Variants in IFT88 observed in about 807,000 individuals in gnomAD.
The protein encoded by IFT88 is intraflagellar transport protein 88 homolog.
In IFT88, 74 loss-of-function variants were observed where a neutral mutation model predicts 119.5. The observed-to-expected ratio is 0.62, with a 90% confidence interval of 0.51 to 0.75. IFT88 has a LOEUF of 0.75. Among genes scored for constraint, IFT88 ranks in the 30% least tolerant of loss-of-function variants. The probability of loss-of-function intolerance (pLI) is 0.00; values close to 1 mark genes in which losing one functional copy is unlikely to be tolerated. For synonymous variants in IFT88, 279 were observed against 316.7 expected, an observed-to-expected ratio of 0.88 and a Z score of 1.26; for missense variants, 961 against 977.7, an observed-to-expected ratio of 0.98 and a Z score of 0.23.
At chr13:20,594,020 C>T (rs1210806667) in intron 7 of IFT88, among the ~76,000 whole-genome samples, 2 of 150,882 alleles carry the variant, frequency 1.3e-5, no homozygotes, top group South Asian at 2.1e-4. Context: ...CACTGCACCA[C>T]AGCCTGGGTG....
chr13:20,679,616 A>G (rs2057092023), intron 24 of IFT88, among the ~76,000 whole-genome samples: 1 of 152,238 alleles, frequency 6.6e-6, no homozygotes, highest in Non-Finnish European at 1.5e-5. Flanking sequence ...TTGACAAGTC[A>G]TATGATGATT....
chr13:20,597,754 A>ATAT lies in IFT88; in HGVS notation c.594+635_594+636insTAT, dbSNP rs1555262657. Among the ~76,000 whole-genome samples, 172 of 142,644 alleles carry ATAT rather than the reference A, an allele frequency of 1.2e-3. 1 individual carries two copies. In the East Asian group the frequency reaches 0.026, roughly 21 times the overall value. The allele number at this position is 142,644 out of a possible 152,430, so 93.6% of individuals were successfully genotyped here. ...GAGCGAGACTCCGTCTCAAAAAAAA[A>ATAT]ATATATATATATATATTTTTTTTTT... On this transcript the variant is annotated intron_variant, in intron 9 of 25. Transcript: ENST00000351808.
intron 1 of IFT88, among the ~76,000 whole-genome samples, chr13:20,568,359 A>G (rs1418503042): frequency 1.3e-5 from 2 of 152,222 alleles, no homozygotes; most frequent in African/African-American, 4.8e-5. Context: ...GCTATTAGCC[A>G]TGCTTGATTC....
intron 1 of IFT88, among the ~76,000 whole-genome samples, chr13:20,571,944 C>T (rs1489688370): frequency 6.6e-6 from 1 of 152,196 alleles, no homozygotes; most frequent in East Asian, 1.9e-4. Flanking sequence ...CAACACACCC[C>T]AGCTTCTTGA....
Position 20,615,884 on chromosome 13 carries a change from G to A in IFT88, c.1199+5G>A, listed in dbSNP as rs1389055815. ...TTTTGCTGCAGGTTATGATTGGTAA[G>A]AGAGAAAGTCTATAATACTGCATAG... On this transcript the variant is annotated splice_donor_5th_base_variant and intron_variant, in intron 14 of 25. Coordinates refer to ENST00000351808, the MANE Select transcript of IFT88 (RefSeq NM_006531.5). 16 of 1,575,998 alleles carry A rather than the reference G, an allele frequency of 1.0e-5. No individual in the cohort carries two copies. Among genetic ancestry groups the A allele is most frequent in the African/African-American group, 1.4e-5 (1 of 73,650 alleles).
At chr13:20,586,594 G>T (rs534004222) in intron 3 of IFT88, among the ~76,000 whole-genome samples, 4 of 152,136 alleles carry the variant, frequency 2.6e-5, no homozygotes, top group Admixed American at 6.5e-5. Context: ...AGGGAAGAGA[G>T]TGTAGGAGCT....
chr13:20,656,713 A>G (rs1473018732), intron 22 of IFT88, among the ~76,000 whole-genome samples: 3 of 152,180 alleles, frequency 2.0e-5, no homozygotes, highest in Non-Finnish European at 2.9e-5. Flanking sequence ...ATTTTGGCCT[A>G]TGGTTGATTT....
At chr13:20,649,915 C>A (rs1267094450) in intron 20 of IFT88, among the ~76,000 whole-genome samples, 1 of 152,016 alleles carries the variant, frequency 6.6e-6, no homozygotes, top group Non-Finnish European at 1.5e-5. Context: ...ACACAATCAA[C>A]CAAACCCAAC....
At chr13:20,607,335 G>A (rs2043663551) in intron 13 of IFT88, 2 of 506,628 alleles carry the variant, frequency 3.9e-6, no homozygotes, top group South Asian at 3.4e-5. Context: ...GTGCACGTCA[G>A]CTTCTGGAAG....
rs57202566 is a variant in IFT88, at chr13:20,578,034, C to CTTTTTTTTTTTTTT, written c.90+3574_90+3587dup. Among the ~76,000 whole-genome samples the CTTTTTTTTTTTTTT allele has an allele frequency of 9.8e-4, 55 of 55,872 alleles. 3 individuals carry two copies. The highest frequency in any genetic ancestry group is 3.4e-3 in the African/African-American group (52 of 15,418). The allele number at this position is 55,872 out of a possible 152,430, so 36.7% of individuals were successfully genotyped here. ...TATTGTGGCTTCAGTCTTGTTACTT[C>CTTTTTTTTTTTTTT]TTTTTTTTTTTTTTTTTTTTTTTTT... On this transcript the variant is annotated intron_variant, in intron 2 of 25. Coordinates refer to ENST00000351808, the MANE Select transcript of IFT88 (RefSeq NM_006531.5).
chr13:20,578,954 T>C (rs1369038844), intron 2 of IFT88, among the ~76,000 whole-genome samples: 1 of 152,248 alleles, frequency 6.6e-6, no homozygotes, highest in African/African-American at 2.4e-5. Flanking sequence ...GCTAACGGTT[T>C]GTCAATTTTA....
chr13:20,626,059 T>C (rs1261058282), intron 15 of IFT88, among the ~76,000 whole-genome samples: 2 of 96,402 alleles, frequency 2.1e-5, no homozygotes, highest in Non-Finnish European at 4.1e-5. Context: ...TTTTTTTTTT[T>C]TTTTTTTTTT....
chr13:20,628,171 G>A (rs572102572), intron 15 of IFT88, among the ~76,000 whole-genome samples: 37 of 152,158 alleles, frequency 2.4e-4, no homozygotes, highest in Non-Finnish European at 2.8e-4. Context: ...CCTTCTGTGA[G>A]GATATAGTTC....
At chr13:20,630,577 T>G (rs973482333) in intron 15 of IFT88, among the ~76,000 whole-genome samples, 8 of 152,138 alleles carry the variant, frequency 5.3e-5, no homozygotes, top group Non-Finnish European at 8.8e-5. Context: ...CATATTTTTA[T>G]TTTTTTAGAG....
At chr13:20,573,346 A>T (rs1026790705) in intron 1 of IFT88, among the ~76,000 whole-genome samples, 6 of 152,010 alleles carry the variant, frequency 3.9e-5, no homozygotes, top group Non-Finnish European at 5.9e-5. Flanking sequence ...GCCTTTAAAG[A>T]TCTGCTTGAA....
At chr13:20,641,438 C>G (rs2140298070) in intron 18 of IFT88, 40 bp downstream of exon 18, 1 of 1,193,394 alleles carries the variant, frequency 8.4e-7, no homozygotes, top group Non-Finnish European at 1.2e-6. Context: ...TATTAATTCT[C>G]TCAATTGGTG....
Position 20,663,620 on chromosome 13 carries a change from C to T in IFT88, c.2175+16C>T. The T allele has an allele frequency of 1.3e-6, 2 of 1,532,484 alleles. No individual in the cohort carries two copies. Among genetic ancestry groups the T allele is most frequent in the Non-Finnish European group, 1.8e-6 (2 of 1,109,448 alleles). 94.9% of individuals were successfully genotyped at this position (1,532,484 alleles called of 1,614,324 possible). A position where few individuals can be genotyped will look rare whatever the true frequency, so the allele number is the denominator to read the frequency against. On this transcript the variant is annotated intron_variant, in intron 23 of 25. Transcript: ENST00000351808. Reference sequence around the variant, plus strand: ...AAGGGAACAGGTATCTCATATGGGCCCCAAACTGCAGTCTGTTAATTTTTA... The same window carrying T: ...AAGGGAACAGGTATCTCATATGGGCTCCAAACTGCAGTCTGTTAATTTTTA...
At chr13:20,607,999 A>G (rs1329392512) in intron 13 of IFT88, 2 of 585,628 alleles carry the variant, frequency 3.4e-6, no homozygotes, top group Admixed American at 2.2e-5. Context: ...CTGAGCAGCA[A>G]GGAACATCAC....
At chr13:20,689,047 C>T (rs754312579) in intron 24 of IFT88, among the ~76,000 whole-genome samples, 3 of 152,188 alleles carry the variant, frequency 2.0e-5, no homozygotes, top group Non-Finnish European at 4.4e-5. Flanking sequence ...AATTCTTCTG[C>T]CTCAGCCTCC....
Sources: allele counts gnomAD v4.1 joint callset (sites outside exome capture counted in the v4.1 genomes callset), GRCh38; gene constraint gnomAD v4.1.1; transcripts MANE v1.5; gene names NCBI Gene and HGNC (gene_info 2026-07-23, HGNC 2026-07-21).